The following VSNL1 variants were observed in gnomAD, a reference collection of about 807,000 sequenced individuals.
The protein encoded by VSNL1 is visinin-like protein 1.
A neutral mutation model predicts 20.4 loss-of-function variants in VSNL1; 6 were observed. The observed-to-expected ratio is 0.29, with a 90% CI of 0.16 to 0.58. The LOEUF (loss-of-function observed/expected upper bound fraction) is 0.58, where lower values mean the gene tolerates loss of function less well. Ranked by LOEUF, VSNL1 falls within the 20% of genes least tolerant of loss-of-function variation. The probability of loss-of-function intolerance (pLI) is 0.90; values close to 1 mark genes in which losing one functional copy is unlikely to be tolerated. For missense variants in VSNL1, 100 were observed against 234.5 expected (o/e 0.43, Z 3.75); for synonymous variants, 93 against 86.4 (o/e 1.08, Z -0.42).
chr2:17,611,325 AG>A (rs1665080837), intron 2 of VSNL1, among the ~76,000 whole-genome samples: 1 of 152,246 alleles, frequency 6.6e-6, no homozygotes, highest in Non-Finnish European at 1.5e-5. Context: ...CACATTTCCC[AG>A]CTCTGACTCT....
intron 2 of VSNL1, among the ~76,000 whole-genome samples, chr2:17,614,288 TG>T (rs1665162624): frequency 6.6e-6 from 1 of 152,248 alleles, no homozygotes; most frequent in African/African-American, 2.4e-5. Context: ...CATCCCCAGT[TG>T]GGGGAAACAT....
Position 17,552,214 on chromosome 2 carries a change from A to AC in VSNL1, c.-6+11296_-6+11297insC, listed in dbSNP as rs1663559524. Reference sequence around the variant, plus strand: ...GATTCCATCTCAAAAAAAAAAAAACAAAAAAAAACTTAGCACGTACAGTGC... The same window carrying AC: ...GATTCCATCTCAAAAAAAAAAAAACACAAAAAAAACTTAGCACGTACAGTGC... On this transcript the variant is annotated intron_variant, in intron 1 of 3. Coordinates refer to ENST00000295156, the MANE Select transcript of VSNL1 (RefSeq NM_003385.5). Among the ~76,000 whole-genome samples the AC allele has an allele frequency of 3.4e-5, 5 of 148,248 alleles. 1 individual carries two copies. In the South Asian group the frequency reaches 1.1e-3, roughly 32 times the overall value.
At chr2:17,586,393 C>A (rs1263345442) in intron 1 of VSNL1, among the ~76,000 whole-genome samples, 1 of 152,128 alleles carries the variant, frequency 6.6e-6, no homozygotes, top group East Asian at 1.9e-4. Context: ...AAGGGTGATT[C>A]TTGTATTCAG....
At chr2:17,636,428 G>A (rs1047143130) in intron 2 of VSNL1, among the ~76,000 whole-genome samples, 3 of 152,158 alleles carry the variant, frequency 2.0e-5, no homozygotes, top group Admixed American at 6.5e-5. Flanking sequence ...ACATATTCCC[G>A]AAGATCTTTT....
chr2:17,655,244 G>A lies in VSNL1; in HGVS notation c.426G>A (p.Glu142=). The A allele has an allele frequency of 1.9e-6, 3 of 1,614,120 alleles. No homozygotes were observed. Among genetic ancestry groups the A allele is most frequent in the Non-Finnish European group, 2.5e-6 (3 of 1,180,018 alleles). ...VGTVIMMKMN[E]DGLTPEQRVD... ...CTGTGATCATGATGAAAATGAATGA[G>A]GATGGCCTGACGCCTGAGCAGCGAG... The change falls in exon 4 of 4, where the codon GAG becomes GAA. Residue 142 remains glutamate, a synonymous_variant. Transcript: ENST00000295156. The surrounding 1 kb of genome is among the most constrained non-coding windows in gnomAD (Gnocchi z 5.2).
intron 1 of VSNL1, among the ~76,000 whole-genome samples, chr2:17,581,106 A>G (rs778956944): frequency 6.6e-6 from 1 of 152,184 alleles, no homozygotes; most frequent in African/African-American, 2.4e-5. Context: ...ATTTATTACA[A>G]TATTATCTCT....
chr2:17,597,515 T>A (rs62132129), intron 2 of VSNL1, among the ~76,000 whole-genome samples: 10,014 of 152,258 alleles, frequency 0.066, 331 homozygotes, highest in East Asian at 0.091. Context: ...CACTGACAGG[T>A]GCACCTGAGA....
At chr2:17,643,914 G>T (rs971498869) in intron 2 of VSNL1, among the ~76,000 whole-genome samples, 1 of 152,152 alleles carries the variant, frequency 6.6e-6, no homozygotes, top group Admixed American at 6.5e-5. Flanking sequence ...CAAGGGAGCC[G>T]GGGGACCAGA....
chr2:17,576,780 C>G (rs1259171665), intron 1 of VSNL1, among the ~76,000 whole-genome samples: 1 of 151,856 alleles, frequency 6.6e-6, no homozygotes, highest in Non-Finnish European at 1.5e-5. Context: ...TTAGAGAGTC[C>G]ATCTTGACCT....
Position 17,546,567 on chromosome 2 carries a change from CAGG to C in VSNL1, c.-6+5652_-6+5654del, listed in dbSNP as rs1663410930. Among the ~76,000 whole-genome samples the C allele has an allele frequency of 2.0e-5, 3 of 151,868 alleles. No individual in the cohort carries two copies. The South Asian group carries it at 6.2e-4, about 31-fold the overall frequency. On this transcript the variant is annotated intron_variant, in intron 1 of 3. Coordinates refer to ENST00000295156, the MANE Select transcript of VSNL1 (RefSeq NM_003385.5). Reference sequence around the variant, plus strand: ...CTTGAAATAGTAAACGCTGGTGTTACAGGAGACTAGTGTTTTATATTTTGCATT... The same window carrying C: ...CTTGAAATAGTAAACGCTGGTGTTACAGACTAGTGTTTTATATTTTGCATT...
intron 2 of VSNL1, among the ~76,000 whole-genome samples, chr2:17,648,710 T>C (rs1010903154): frequency 1.4e-4 from 22 of 152,156 alleles, no homozygotes; most frequent in African/African-American, 5.3e-4. Flanking sequence ...CCTTCCCTCC[T>C]TGTGGTCTAT....
At chr2:17,549,748 G>A (rs1340733208) in intron 1 of VSNL1, among the ~76,000 whole-genome samples, 1 of 152,294 alleles carries the variant, frequency 6.6e-6, no homozygotes, top group East Asian at 1.9e-4. Flanking sequence ...GAGTGGTCCT[G>A]TGGTAAAGAC....
chr2:17,553,672 T>C (rs1231905810), intron 1 of VSNL1, among the ~76,000 whole-genome samples: 1 of 152,218 alleles, frequency 6.6e-6, no homozygotes, highest in Non-Finnish European at 1.5e-5. Context: ...AGAACCAAAT[T>C]TGAATTCTAA....
chr2:17,607,740 T>C (rs1177654659), intron 2 of VSNL1, among the ~76,000 whole-genome samples: 1 of 152,188 alleles, frequency 6.6e-6, no homozygotes, highest in Non-Finnish European at 1.5e-5. Flanking sequence ...ATTAGTTGGA[T>C]GAAATAATAA....
chr2:17,597,938 C>T (rs946922347), intron 2 of VSNL1, among the ~76,000 whole-genome samples: 1 of 152,128 alleles, frequency 6.6e-6, no homozygotes, highest in Non-Finnish European at 1.5e-5. Context: ...AGAAATTTTC[C>T]AGGCCTAAGG....
chr2:17,627,028 C>G (rs1328971558), intron 2 of VSNL1, among the ~76,000 whole-genome samples: 1 of 152,198 alleles, frequency 6.6e-6, no homozygotes, highest in Non-Finnish European at 1.5e-5. Context: ...TGTTCCTGGA[C>G]TATCCCAGCA....
chr2:17,606,920 C>A (rs780445383), intron 2 of VSNL1, among the ~76,000 whole-genome samples: 1 of 152,132 alleles, frequency 6.6e-6, no homozygotes, highest in Middle Eastern at 3.2e-3. Flanking sequence ...TCCAGACAAG[C>A]CTGCTGGATT....
chr2:17,561,334 A>G (rs551101844), intron 1 of VSNL1, among the ~76,000 whole-genome samples: 11 of 152,310 alleles, frequency 7.2e-5, no homozygotes. Flanking sequence ...GCACAGAAAG[A>G]GTGCTCCCCA....
chr2:17,561,021 A>G (rs1389827606), intron 1 of VSNL1, among the ~76,000 whole-genome samples: 1 of 152,202 alleles, frequency 6.6e-6, no homozygotes, highest in Non-Finnish European at 1.5e-5. Context: ...TTTTTCAGTA[A>G]GAGTATGACA....
Sources: allele counts gnomAD v4.1 joint callset (sites outside exome capture counted in the v4.1 genomes callset), GRCh38; gene constraint gnomAD v4.1.1; non-coding constraint Gnocchi (gnomAD v3.1); transcripts MANE v1.5; gene names NCBI Gene and HGNC (gene_info 2026-07-23, HGNC 2026-07-21).